The following TMEM184B variants were observed in gnomAD, a reference collection of about 807,000 sequenced individuals.
TMEM184B encodes transmembrane protein 184B.
TMEM184B carries 17 observed loss-of-function variants against 41.8 expected under a neutral mutation model. The observed-to-expected ratio is 0.41, with a 90% CI of 0.28 to 0.61. The LOEUF is 0.61. Among genes scored for constraint, TMEM184B ranks in the 20% least tolerant of loss-of-function variants. The pLI, the probability that TMEM184B is intolerant of heterozygous loss-of-function variation, is 0.34. For missense variants in TMEM184B, 393 were observed against 557.8 expected, an observed-to-expected ratio of 0.70 and a Z score of 2.98; for synonymous variants, 240 against 229.5, an observed-to-expected ratio of 1.05 and a Z score of -0.41.
Position 38,224,770 on chromosome 22 carries a change from G to GAC in TMEM184B, c.982+13_982+14dup, listed in dbSNP as rs1162747658. On this transcript the variant is annotated intron_variant, in intron 8 of 8. Coordinates refer to ENST00000361906, the MANE Select transcript of TMEM184B (RefSeq NM_012264.5). ...GCTTCTCCCAGCGGGGGTCGCCTAG[G>GAC]ACCCTGGCTCATACCTTGTGCGTCC... The GAC allele has an allele frequency of 1.3e-6, 2 of 1,574,052 alleles. No homozygotes were observed. Among genetic ancestry groups the GAC allele is most frequent in the South Asian group, 2.3e-5 (2 of 87,292 alleles).
rs2092019067 is a variant in TMEM184B, at chr22:38,245,943, C to T, written c.350G>A (p.Cys117Tyr). 6.6e-7 allele frequency: 1 copy of T among 1,511,216 alleles called. No homozygotes were observed. Among genetic ancestry groups the T allele is most frequent in the Non-Finnish European group, 9.0e-7 (1 of 1,116,740 alleles). 93.6% of individuals were successfully genotyped at this position (1,511,216 alleles called of 1,614,324 possible). ...YYVYFGTVRD[C>Y]YEALVIYNFL... ...TCCGTCCCCATCCTCACCCTCATAG[C>T]AGTCGCGGACGGTGCCGAAGTACAC... Residue 117 changes from cysteine to tyrosine, a missense_variant, in exon 3 of 9, where the codon TGC becomes TAC. Cys to Tyr is a radical substitution (Grantham distance 194). Transcript: ENST00000361906.
chr22:38,259,128 A>G (rs2092330211), intron 1 of TMEM184B, among the ~76,000 whole-genome samples: 1 of 152,186 alleles, frequency 6.6e-6, no homozygotes, highest in South Asian at 2.1e-4. Flanking sequence ...CTACGCAGCT[A>G]TGTCGTCACT....
chr22:38,243,849 C>T (rs1487201073), intron 3 of TMEM184B, among the ~76,000 whole-genome samples: 1 of 152,180 alleles, frequency 6.6e-6, no homozygotes, highest in Non-Finnish European at 1.5e-5. Flanking sequence ...ATGGCTGCAC[C>T]CCATCCTGCT....
At chr22:38,259,835 G>A (rs1211486494) in intron 1 of TMEM184B, among the ~76,000 whole-genome samples, 1 of 152,126 alleles carries the variant, frequency 6.6e-6, no homozygotes, top group South Asian at 2.1e-4. Context: ...GAGTGCAGTG[G>A]TGCGATCTCG....
chr22:38,219,776 G>C lies in TMEM184B; in HGVS notation c.*1693C>G. On this transcript the variant is annotated 3_prime_UTR_variant, in exon 9 of 9. Transcript: ENST00000361906. ...ACAGCTTGGTGAAAGCAGATGGCGG[G>C]GCAGGGCCAGGGCTGGTCCTCAGCC... 1.0e-6 allele frequency: 1 copy of C among 985,628 alleles called. No individual in the cohort carries two copies. The highest frequency in any genetic ancestry group is 1.2e-6 in the Non-Finnish European group (1 of 830,064). 61.1% of individuals were successfully genotyped at this position (985,628 alleles called of 1,614,324 possible). A position where few individuals can be genotyped will look rare whatever the true frequency, so the allele number is the denominator to read the frequency against.
intron 1 of TMEM184B, among the ~76,000 whole-genome samples, chr22:38,270,193 C>T (rs966621797): frequency 3.7e-4 from 57 of 152,198 alleles, no homozygotes; most frequent in Non-Finnish European, 7.3e-5. Context: ...CCTCCTTCTC[C>T]TTCATAGGTG....
chr22:38,232,961 C>T (rs868467318), intron 3 of TMEM184B, among the ~76,000 whole-genome samples: 4 of 152,298 alleles, frequency 2.6e-5, no homozygotes, highest in Admixed American at 6.5e-5. Flanking sequence ...CTCCTACCCA[C>T]GGAACCTGAT....
At chr22:38,255,515 C>T (rs1162728865) in intron 1 of TMEM184B, among the ~76,000 whole-genome samples, 2 of 152,210 alleles carry the variant, frequency 1.3e-5, no homozygotes, top group African/African-American at 4.8e-5. Context: ...CTACACAACC[C>T]AGTAATCACT....
At position 38,225,261 on chromosome 22, in the gene TMEM184B, A is replaced by C. The variant is rs1444447976; in HGVS notation, c.787+163T>G. On this transcript the variant is annotated intron_variant, in intron 7 of 8. Transcript: ENST00000361906. The surrounding 1 kb of genome is among the most constrained non-coding windows in gnomAD (Gnocchi z 4.4). ...CCAAAGCTCTCCCTAGCCCCTGGGAAAGGCCCTCGAGGGCTCAGATTTCAC... is the reference window on the plus strand; with the variant it reads ...CCAAAGCTCTCCCTAGCCCCTGGGACAGGCCCTCGAGGGCTCAGATTTCAC... 2.0e-5 allele frequency among the ~76,000 whole-genome samples: 3 copies of C among 152,126 alleles called. No individual in the cohort carries two copies. The East Asian group carries it at 5.8e-4, about 29-fold the overall frequency.
rs750574794 is a variant in TMEM184B at position 38,225,479 on chromosome 22, G to A, written c.732C>T (p.Ser244=). 7.5e-6 allele frequency: 12 copies of A among 1,589,634 alleles called. No homozygotes were observed. Among genetic ancestry groups the A allele is most frequent in the Non-Finnish European group, 1.0e-5 (12 of 1,171,604 alleles). The change falls in exon 7 of 9, where the codon AGC becomes AGT. Residue 244 remains serine (S), a synonymous_variant. Transcript: ENST00000361906. This position sits in a 1 kb window ranked among gnomAD's most constrained non-coding sequence, Gnocchi z 4.4. The part of the protein sequence containing the change: ...FATRELLSPY[S]PVLKFFMVKS... Reference sequence around the variant, plus strand: ...TGACCATGAAGAACTTGAGGACGGGGCTGTAGGGGCTGAGCAGCTCCCGGG... The same window carrying A: ...TGACCATGAAGAACTTGAGGACGGGACTGTAGGGGCTGAGCAGCTCCCGGG...
chr22:38,243,962 G>A (rs907985250), intron 3 of TMEM184B, among the ~76,000 whole-genome samples: 4 of 152,064 alleles, frequency 2.6e-5, no homozygotes, highest in South Asian at 2.1e-4. Flanking sequence ...TGAGAGTGGC[G>A]GGGAACAGAC....
rs555236107 is a variant in TMEM184B, at chr22:38,221,566, C to G, written c.1127G>C (p.Trp376Ser). The change falls in exon 9 of 9, where the codon TGG (tryptophan) becomes TCG (serine). Residue 376 changes from tryptophan to serine, a missense_variant. Around this residue, in one of 2 missense-constraint regions of TMEM184B, gnomAD observed 271 missense variants for 434.1 expected, o/e 0.62. Coordinates refer to ENST00000361906, the MANE Select transcript of TMEM184B (RefSeq NM_012264.5). Reference sequence around the variant, plus strand: ...GGAGAGGCCGTGGGCGCCACCACGCCAGGTGGGCCCAGGCTCCAGGGTGGA... The same window carrying G: ...GGAGAGGCCGTGGGCGCCACCACGCGAGGTGGGCCCAGGCTCCAGGGTGGA... The part of the protein sequence containing the change: ...QQSTLEPGPT[W>S]RGGAHGLSRS... 11 of 1,614,034 alleles carry G rather than the reference C, an allele frequency of 6.8e-6. No individual in the cohort carries two copies. The East Asian group carries it at 2.2e-4, about 33-fold the overall frequency.
intron 3 of TMEM184B, among the ~76,000 whole-genome samples, chr22:38,235,936 A>C (rs543315832): frequency 6.6e-6 from 1 of 152,288 alleles, no homozygotes; most frequent in South Asian, 2.1e-4. Flanking sequence ...AGACCCCTGG[A>C]GAGGCCTCGG....
At chr22:38,250,182 G>A (rs547657074) in intron 1 of TMEM184B, among the ~76,000 whole-genome samples, 36 of 152,328 alleles carry the variant, frequency 2.4e-4, no homozygotes, top group Non-Finnish European at 3.8e-4. Flanking sequence ...TGGGTGCGGC[G>A]GCCTGCAGCC....
Position 38,226,943 on chromosome 22 carries a change from G to T in TMEM184B, c.526-73C>A. On this transcript the variant is annotated intron_variant, in intron 5 of 8. Transcript: ENST00000361906. The surrounding 1 kb of genome is among the most constrained non-coding windows in gnomAD (Gnocchi z 4.6). Reference sequence around the variant, plus strand: ...CATGAAGCAAGCCCTGCCTCTGGCAGACGGAACTGTACCGGATGGAGGGAC... The same window carrying T: ...CATGAAGCAAGCCCTGCCTCTGGCATACGGAACTGTACCGGATGGAGGGAC... The T allele has an allele frequency of 6.9e-7, 1 of 1,451,298 alleles. No individual in the cohort carries two copies. The highest frequency in any genetic ancestry group is 9.5e-7 in the Non-Finnish European group (1 of 1,057,650). The allele number at this position is 1,451,298 out of a possible 1,614,324, so 89.9% of individuals were successfully genotyped here. A position where few individuals can be genotyped will look rare whatever the true frequency, so the allele number is the denominator to read the frequency against.
At chr22:38,221,944 T>G (rs565058008) in intron 8 of TMEM184B, 1 of 611,290 alleles carries the variant, frequency 1.6e-6, no homozygotes, top group East Asian at 3.0e-5. Flanking sequence ...GGAGCAGACA[T>G]AAACCCCCAC....
chr22:38,268,850 GGGC>G (rs1383690713), intron 1 of TMEM184B, among the ~76,000 whole-genome samples: 1 of 152,256 alleles, frequency 6.6e-6, no homozygotes. Flanking sequence ...CGGCTCCTGA[GGGC>G]GGCTCCCCGC....
chr22:38,265,314 A>T (rs989774817), intron 1 of TMEM184B, among the ~76,000 whole-genome samples: 3 of 152,214 alleles, frequency 2.0e-5, no homozygotes, highest in African/African-American at 7.2e-5. Context: ...ACCCCCAGGC[A>T]GAGCCGACTG....
rs764715358 is a variant in TMEM184B, at chr22:38,247,877, C to T, written c.85G>A (p.Glu29Lys). Residue 29 changes from glutamate to lysine, a missense_variant, in exon 2 of 9, where the codon GAG becomes AAG. Glu to Lys is a moderately conservative substitution (Grantham distance 56, BLOSUM62 1). This residue lies in a region of TMEM184B where 122 missense variants were observed against 123.7 expected (regional missense o/e 0.99). Transcript: ENST00000361906. ...TGCTCCATGGCAGTGGGGCTGCCCT[C>T]GGGGATCACGGAGACGCTGGGCGAG... ...AASPSVSVIP[E>K]GSPTAMEQPV... 6 of 1,612,078 alleles carry T rather than the reference C, an allele frequency of 3.7e-6. No homozygotes were observed. The highest frequency in any genetic ancestry group is 2.7e-5 in the African/African-American group (2 of 74,902).
Sources: allele counts gnomAD v4.1 joint callset (sites outside exome capture counted in the v4.1 genomes callset), GRCh38; gene constraint gnomAD v4.1.1; regional missense constraint gnomAD v4.1.1; non-coding constraint Gnocchi (gnomAD v3.1); transcripts MANE v1.5; gene names NCBI Gene and HGNC (gene_info 2026-07-23, HGNC 2026-07-21).